The following ARHGEF18 variants were observed in gnomAD, a reference collection of about 807,000 sequenced individuals.
The protein encoded by ARHGEF18 is Rho/Rac guanine nucleotide exchange factor 18, also known as rho guanine nucleotide exchange factor 18.
A neutral mutation model predicts 155.7 loss-of-function variants in ARHGEF18; 93 were observed. That is an observed-to-expected ratio of 0.60 (90% CI 0.50 to 0.71). ARHGEF18 has a LOEUF of 0.71. Ranked by LOEUF, ARHGEF18 falls within the 30% of genes least tolerant of loss-of-function variation. The probability of loss-of-function intolerance (pLI) is 0.00; values close to 1 mark genes in which losing one functional copy is unlikely to be tolerated. For missense variants in ARHGEF18, 1,593 were observed against 1,816.1 expected (o/e 0.88, Z 2.23); for synonymous variants, 742 against 753.1 (o/e 0.99, Z 0.24).
At chr19:7,417,813 A>G (rs1478952317) in intron 10 of ARHGEF18, among the ~76,000 whole-genome samples, 2 of 152,180 alleles carry the variant, frequency 1.3e-5, no homozygotes, top group Admixed American at 1.3e-4. Context: ...CAGGTGGCCC[A>G]GGAGAGTGGG....
rs568533962 is a variant in ARHGEF18 at position 7,462,525 on chromosome 19, T to A, written c.2635+191T>A. Among the ~76,000 whole-genome samples, 2 of 152,260 alleles carry A rather than the reference T, an allele frequency of 1.3e-5. No individual in the cohort carries two copies. The highest frequency in any genetic ancestry group is 3.9e-4 in the East Asian group (2 of 5,172). ...GTGAGAGCCAGAAGGGCCTTAGACATAATCTGGGCCAAGCCGCTCCTTGCA... is the reference window on the plus strand; with the variant it reads ...GTGAGAGCCAGAAGGGCCTTAGACAAAATCTGGGCCAAGCCGCTCCTTGCA... On this transcript the variant is annotated intron_variant, in intron 21 of 28. Transcript: ENST00000668164. The surrounding 1 kb of genome is among the most constrained non-coding windows in gnomAD (Gnocchi z 4.4).
intron 23 of ARHGEF18, 105 bp from the exon 24 acceptor site, chr19:7,466,813 A>AT: frequency 1.9e-6 from 2 of 1,068,890 alleles, no homozygotes; most frequent in African/African-American, 3.8e-5. Context: ...TCAAAAAAAA[A>AT]AAAAAAAAAA....
chr19:7,432,001 A>G (rs1238228794), intron 10 of ARHGEF18, among the ~76,000 whole-genome samples: 1 of 152,138 alleles, frequency 6.6e-6, no homozygotes, highest in Non-Finnish European at 1.5e-5. Flanking sequence ...TGGGAAGAAT[A>G]TTCTGAGTCA....
At chr19:7,377,954 A>G (rs1041514409) in intron 5 of ARHGEF18, among the ~76,000 whole-genome samples, 9 of 152,018 alleles carry the variant, frequency 5.9e-5, no homozygotes, top group Non-Finnish European at 1.2e-4. Flanking sequence ...TTAGTCGGGC[A>G]TGGTGGTGTG....
downstream of ARHGEF18, chr19:7,473,279 G>A (rs182353776): frequency 1.8e-4 from 81 of 455,900 alleles, no homozygotes; most frequent in East Asian, 4.2e-4. Flanking sequence ...ACTAGGAAGC[G>A]CAAAAAGGGA....
chr19:7,388,827 C>T (rs1290911732), intron 10 of ARHGEF18, among the ~76,000 whole-genome samples: 1 of 151,962 alleles, frequency 6.6e-6, no homozygotes, highest in Non-Finnish European at 1.5e-5. Context: ...GTGATCCACC[C>T]CCCTCAGCCT....
At chr19:7,472,996 G>A (rs1045868998), downstream of ARHGEF18, 7 of 455,990 alleles carry the variant, frequency 1.5e-5, no homozygotes, top group Non-Finnish European at 3.1e-5. Flanking sequence ...GGCAGGAGTG[G>A]GGCGTGGAGG....
chr19:7,411,256 C>CCCTTCCCCTTCT (rs1972661333), intron 10 of ARHGEF18, among the ~76,000 whole-genome samples: 1 of 122,502 alleles, frequency 8.2e-6, no homozygotes, highest in African/African-American at 2.7e-5. Flanking sequence ...CTACCTCTTC[C>CCCTTCCCCTTCT]CCTTCCCCTT....
intron 5 of ARHGEF18, 27 bp from the exon 6 acceptor site, chr19:7,378,367 C>T (rs8113073): frequency 0.25 from 307,244 of 1,233,510 alleles, 39,922 homozygotes; most frequent in Non-Finnish European, 0.27. Flanking sequence ...GACAACTGTG[C>T]TTCCTGGGAT....
At position 7,462,836 on chromosome 19, in the gene ARHGEF18, CTTTTTTTT is replaced by C. The variant is rs34155241; in HGVS notation, c.2635+513_2635+520del. ...AGTCTGCTCTTTCTTTTTTTCTTTT[CTTTTTTTT>C]TTTTTTTTTTGAGATGGAGTCTCGC... is the stretch of plus-strand genomic sequence containing the variant. On this transcript the variant is annotated intron_variant, in intron 21 of 28. Transcript: ENST00000668164. This position sits in a 1 kb window ranked among gnomAD's most constrained non-coding sequence, Gnocchi z 4.4. 1.0e-5 allele frequency among the ~76,000 whole-genome samples: 1 copy of C among 96,490 alleles called. No individual in the cohort carries two copies. Among genetic ancestry groups the C allele is most frequent in the African/African-American group, 4.4e-5 (1 of 22,520 alleles). 63.3% of individuals were successfully genotyped at this position (96,490 alleles called of 152,430 possible).
At chr19:7,356,488 G>T (rs1011194123) in intron 1 of ARHGEF18, among the ~76,000 whole-genome samples, 2 of 151,868 alleles carry the variant, frequency 1.3e-5, no homozygotes, top group Non-Finnish European at 1.5e-5. Context: ...TGATCAGGCT[G>T]GTCTCGAACT....
intron 10 of ARHGEF18, among the ~76,000 whole-genome samples, chr19:7,387,067 C>T (rs140230489): frequency 1.1e-4 from 17 of 152,262 alleles, no homozygotes; most frequent in African/African-American, 4.1e-4. Flanking sequence ...CCAACCAGAA[C>T]ATGCGACCTT....
chr19:7,437,652 T>C (rs1170457627), intron 10 of ARHGEF18, among the ~76,000 whole-genome samples: 1 of 151,586 alleles, frequency 6.6e-6, no homozygotes, highest in Admixed American at 6.6e-5. Flanking sequence ...TTTTTTTTCT[T>C]TTTTTTTGTG....
At chr19:7,437,178 C>T (rs1042001337) in intron 10 of ARHGEF18, among the ~76,000 whole-genome samples, 43 of 152,212 alleles carry the variant, frequency 2.8e-4, no homozygotes, top group African/African-American at 9.9e-4. Flanking sequence ...CCTGTAATCC[C>T]AGCACTTAGG....
At chr19:7,385,227 C>T (rs555466623) in intron 10 of ARHGEF18, among the ~76,000 whole-genome samples, 2 of 152,290 alleles carry the variant, frequency 1.3e-5, no homozygotes, top group South Asian at 2.1e-4. Flanking sequence ...AGCCTGCCCT[C>T]GGATACCCTT....
chr19:7,476,813 G>C (rs960787580), downstream of ARHGEF18: 1 of 189,970 alleles, frequency 5.3e-6, no homozygotes, highest in Non-Finnish European at 1.1e-5. Context: ...CTTTGGGTCC[G>C]TCCTGTGGAG....
intron 10 of ARHGEF18, among the ~76,000 whole-genome samples, chr19:7,429,783 CCA>C: frequency 6.6e-6 from 1 of 152,228 alleles, no homozygotes; most frequent in Non-Finnish European, 1.5e-5. Context: ...CAAGAGGGGC[CCA>C]GAGGGCAGTG....
intron 10 of ARHGEF18, among the ~76,000 whole-genome samples, chr19:7,398,721 A>G (rs1971869039): frequency 6.6e-6 from 1 of 151,994 alleles, no homozygotes; most frequent in Non-Finnish European, 1.5e-5. Context: ...AGAAAGAAAG[A>G]AAAGAGATTC....
intron 15 of ARHGEF18, among the ~76,000 whole-genome samples, chr19:7,448,384 G>A (rs566409188): frequency 1.2e-3 from 180 of 152,276 alleles, no homozygotes; most frequent in Non-Finnish European, 2.1e-3. Context: ...GGCGTAGGCC[G>A]GGCACAGTGG....
Sources: allele counts gnomAD v4.1 joint callset (sites outside exome capture counted in the v4.1 genomes callset), GRCh38; gene constraint gnomAD v4.1.1; non-coding constraint Gnocchi (gnomAD v3.1); transcripts MANE v1.5; gene names NCBI Gene and HGNC (gene_info 2026-07-23, HGNC 2026-07-21).